The following AMELY variants were observed in gnomAD, a reference collection of about 807,000 sequenced individuals.
AMELY encodes the protein amelogenin Y-linked, also known as amelogenin, Y isoform.
Under a neutral mutation model 4.2 loss-of-function variants are expected in AMELY, and 4 were observed. The observed-to-expected ratio is 0.96, with a 90% confidence interval of 0.47 to 2.19. AMELY has a LOEUF of 2.19. Among genes scored for constraint, AMELY ranks in the 30% most tolerant of loss-of-function variants. The probability of loss-of-function intolerance (pLI) is 0.02; values close to 1 mark genes in which losing one functional copy is unlikely to be tolerated. For synonymous variants in AMELY, 11 were observed against 14.7 expected, an observed-to-expected ratio of 0.75 and a Z score of 0.57; for missense variants, 32 against 41.5, an observed-to-expected ratio of 0.77 and a Z score of 0.63.
At chrY:6,907,576 C>T in intron 1 of AMELY, among the ~76,000 whole-genome samples, 1 of 30,249 alleles carries the variant, frequency 3.3e-5, no homozygotes, top group Admixed American at 3.1e-4. Context: ...GTTCCAGCAC[C>T]GTGAGTTAAA....
At chrY:6,902,845 A>G in intron 1 of AMELY, among the ~76,000 whole-genome samples, 1 of 31,570 alleles carries the variant, frequency 3.2e-5, no homozygotes, top group East Asian at 8.4e-4. Context: ...CCTCCTGAAC[A>G]GCTGGGATTA....
intron 1 of AMELY, among the ~76,000 whole-genome samples, chrY:6,886,148 T>C: frequency 3.0e-5 from 1 of 33,803 alleles, no homozygotes; most frequent in Non-Finnish European, 7.3e-5. Flanking sequence ...CTATCTAAAA[T>C]ATAACCAGAG....
rs540354430 is a variant in AMELY at position 6,902,242 on chromosome Y, T to G, written c.-113+9431A>C. Among the ~76,000 whole-genome samples, 8 of 33,757 alleles carry G rather than the reference T, an allele frequency of 2.4e-4. No homozygotes were observed. In the South Asian group the frequency reaches 4.8e-3, roughly 20 times the overall value. The allele number at this position is 33,757 out of a possible 37,273, so 90.6% of individuals were successfully genotyped here. On this transcript the variant is annotated intron_variant, in intron 1 of 6. Transcript: ENST00000651267. ...AATGAAGATATTTTCTTAGTACAGG[T>G]GTATACATGCACCAACATGTTTTTA...
chrY:6,879,208 A>C, intron 1 of AMELY, among the ~76,000 whole-genome samples: 1 of 32,496 alleles, frequency 3.1e-5, no homozygotes, highest in African/African-American at 1.2e-4. Flanking sequence ...CTGACTTTTT[A>C]ATGATCGCCA....
At chrY:6,875,712 A>G (rs766028701) in intron 1 of AMELY, among the ~76,000 whole-genome samples, 23 of 33,459 alleles carry the variant, frequency 6.9e-4, no homozygotes, top group African/African-American at 2.3e-3. Flanking sequence ...AAGTTTTAAG[A>G]AAACAGGCTT....
At chrY:6,885,250 G>T (rs368818579) in intron 1 of AMELY, among the ~76,000 whole-genome samples, 29 of 32,718 alleles carry the variant, frequency 8.9e-4, no homozygotes, top group East Asian at 3.2e-3. Flanking sequence ...GAGGCCAAGG[G>T]GGGCGGATCA....
rs1287471069 is a variant in AMELY at position 6,868,444 on chromosome Y, C to T, written c.166G>A (p.Glu56Lys). The change falls in exon 6 of 7, where the codon GAG becomes AAG. Residue 56 changes from glutamate to lysine, a missense_variant. Transcript: ENST00000651267. ...TGGTGCAGCCATCCACCCATGGGCT[C>T]GTAACCATAGGAAGAGTACTGGTGA... ...IRPPYSSYGY[E>K]PMGGWLHHQI... 5.0e-6 allele frequency: 2 copies of T among 397,947 alleles called. No homozygotes were observed. The highest frequency in any genetic ancestry group is 1.5e-4 in the Admixed American group (2 of 13,422).
chrY:6,889,398 G>A (rs2054081886), intron 1 of AMELY, among the ~76,000 whole-genome samples: 1 of 32,496 alleles, frequency 3.1e-5, no homozygotes, highest in Non-Finnish European at 7.5e-5. Flanking sequence ...GGAGAGAAGA[G>A]AGAGAGATTC....
intron 2 of AMELY, among the ~76,000 whole-genome samples, chrY:6,872,864 T>TTTTTGTAAATCA (rs2054069431): frequency 3.0e-5 from 1 of 33,308 alleles, no homozygotes; most frequent in Non-Finnish European, 7.4e-5. Flanking sequence ...ATAAATCATG[T>TTTTTGTAAATCA]TGTTATGTAA....
intron 1 of AMELY, among the ~76,000 whole-genome samples, chrY:6,899,539 A>C (rs2054088007): frequency 1.3e-4 from 4 of 30,095 alleles, no homozygotes; most frequent in Admixed American, 1.2e-3. Flanking sequence ...CAGCCTGACC[A>C]ACATGGAGAA....
At chrY:6,885,407 A>C (rs775547676) in intron 1 of AMELY, among the ~76,000 whole-genome samples, 2 of 34,266 alleles carry the variant, frequency 5.8e-5, no homozygotes, top group Non-Finnish European at 1.5e-4. Flanking sequence ...CCCAGGAGGC[A>C]GAGCTTGCAG....
intron 1 of AMELY, among the ~76,000 whole-genome samples, chrY:6,890,080 G>C (rs2054082295): frequency 3.1e-5 from 1 of 32,181 alleles, no homozygotes; most frequent in Non-Finnish European, 7.5e-5. Context: ...TGCTGGCTGG[G>C]GGGTTCCTGG....
chrY:6,886,633 C>G, intron 1 of AMELY, among the ~76,000 whole-genome samples: 8 of 33,487 alleles, frequency 2.4e-4, no homozygotes, highest in Non-Finnish European at 4.4e-4. Context: ...AATTGCACAA[C>G]TACATACCAG....
chrY:6,893,156 T>C, intron 1 of AMELY, among the ~76,000 whole-genome samples: 1 of 33,277 alleles, frequency 3.0e-5, no homozygotes. Context: ...CCAATCCAGG[T>C]CCTGACAGGA....
chrY:6,894,278 C>T (rs945061359), intron 1 of AMELY, among the ~76,000 whole-genome samples: 1 of 33,360 alleles, frequency 3.0e-5, no homozygotes, highest in East Asian at 8.0e-4. Flanking sequence ...GACAAGCCCC[C>T]TTATTATGTG....
intron 6 of AMELY, 132 bp downstream of exon 6, chrY:6,867,905 C>G: frequency 2.0e-5 from 4 of 196,982 alleles, no homozygotes; most frequent in Admixed American, 1.2e-4. Context: ...ATTACTTGGA[C>G]TAATAGAATC....
At chrY:6,878,611 T>A in intron 1 of AMELY, among the ~76,000 whole-genome samples, 1 of 33,598 alleles carries the variant, frequency 3.0e-5, no homozygotes, top group Admixed American at 2.8e-4. Context: ...TATTTCAGGC[T>A]TTATAGCCAG....
At chrY:6,870,124 G>T in intron 3 of AMELY, 71 bp from the exon 4 acceptor site, 1 of 299,933 alleles carries the variant, frequency 3.3e-6, no homozygotes, top group East Asian at 9.8e-5. Flanking sequence ...GGAAGAGAGA[G>T]TAAGAGATTA....
Position 6,866,059 on chromosome Y carries a change from C to T in AMELY, c.*14G>A. On this transcript the variant is annotated 3_prime_UTR_variant, in exon 7 of 7. Coordinates refer to ENST00000651267, the MANE Select transcript of AMELY (RefSeq NM_001143.2). ...AAAGTGTTTACTTCAGTTCCTGTCT[C>T]ATATTCTGGTCTTTTAATCCTGAAA... 3.1e-6 allele frequency: 1 copy of T among 318,213 alleles called. No homozygotes were observed. Among genetic ancestry groups the T allele is most frequent in the South Asian group, 5.0e-5 (1 of 19,893 alleles). 79.4% of individuals were successfully genotyped at this position (318,213 alleles called of 400,897 possible).
Sources: allele counts gnomAD v4.1 joint callset (sites outside exome capture counted in the v4.1 genomes callset), GRCh38; gene constraint gnomAD v4.1.1; transcripts MANE v1.5; gene names NCBI Gene and HGNC (gene_info 2026-07-23, HGNC 2026-07-21).